Variants in VWC2L observed in about 807,000 individuals in gnomAD.
VWC2L encodes von Willebrand factor C domain containing 2 like, also known as von Willebrand factor C domain-containing protein 2-like.
In VWC2L, 10 loss-of-function variants were observed where a neutral mutation model predicts 21.6. That is an observed-to-expected ratio of 0.46 (90% confidence interval 0.29 to 0.78). The LOEUF (loss-of-function observed/expected upper bound fraction) is 0.78. VWC2L is among the 30% of genes least tolerant of loss of function. The pLI, the probability that VWC2L is intolerant of heterozygous loss-of-function variation, is 0.10. For synonymous variants in VWC2L, 96 were observed against 94.3 expected, an observed-to-expected ratio of 1.02 and a Z score of -0.10; for missense variants, 209 against 277.1, an observed-to-expected ratio of 0.75 and a Z score of 1.74.
intron 3 of VWC2L, among the ~76,000 whole-genome samples, chr2:214,466,678 AT>A (rs1413313854): frequency 1.3e-5 from 2 of 152,138 alleles, no homozygotes; most frequent in African/African-American, 4.8e-5. Context: ...ATTGTTTTCA[AT>A]CCTATTAACC....
intron 3 of VWC2L, among the ~76,000 whole-genome samples, chr2:214,450,404 AC>A (rs1298093643): frequency 1.3e-5 from 2 of 152,182 alleles, no homozygotes; most frequent in Admixed American, 6.5e-5. Context: ...GTGTCTAAGC[AC>A]CCATGTGGAT....
chr2:214,471,047 C>A (rs1703301511), intron 3 of VWC2L, among the ~76,000 whole-genome samples: 2 of 151,666 alleles, frequency 1.3e-5, no homozygotes, highest in Non-Finnish European at 2.9e-5. Context: ...CTTTTTTCCC[C>A]ATGAGTTTAA....
intron 3 of VWC2L, among the ~76,000 whole-genome samples, chr2:214,453,526 T>C (rs1703007329): frequency 6.6e-6 from 1 of 152,176 alleles, no homozygotes; most frequent in South Asian, 2.1e-4. Context: ...TATTGGAATT[T>C]TAATTGGTAT....
intron 3 of VWC2L, among the ~76,000 whole-genome samples, chr2:214,530,229 T>A (rs1366046176): frequency 6.6e-6 from 1 of 152,168 alleles, no homozygotes; most frequent in East Asian, 1.9e-4. Context: ...TTAGTTAAAA[T>A]GTTAAAGTCG....
At chr2:214,550,073 G>C (rs1007995200) in intron 3 of VWC2L, among the ~76,000 whole-genome samples, 1 of 152,196 alleles carries the variant, frequency 6.6e-6, no homozygotes, top group African/African-American at 2.4e-5. Flanking sequence ...CTAATGCAGT[G>C]TTTAGAATCA....
In VWC2L at chr2:214,462,142, G is replaced by C. The variant is rs555088019; in HGVS notation, c.520+25384G>C. On this transcript the variant is annotated intron_variant, in intron 3 of 3. Coordinates refer to ENST00000312504, the MANE Select transcript of VWC2L (RefSeq NM_001080500.4). ...TAGGCTCTCAAAATGGCACTGCACT[G>C]CAGCTGCTTGGGTTTTGGCAGGTGT... is the stretch of plus-strand genomic sequence containing the variant. Among the ~76,000 whole-genome samples the C allele has an allele frequency of 2.3e-4, 35 of 152,302 alleles. 1 individual carries two copies. The South Asian group carries it at 6.8e-3, about 30-fold the overall frequency.
chr2:214,520,733 G>A (rs1689224547), intron 3 of VWC2L, among the ~76,000 whole-genome samples: 1 of 151,928 alleles, frequency 6.6e-6, no homozygotes, highest in South Asian at 2.1e-4. Context: ...CTTTTTTGAT[G>A]CTATATTGCA....
At chr2:214,445,566 T>G (rs1313687020) in intron 3 of VWC2L, among the ~76,000 whole-genome samples, 1 of 151,622 alleles carries the variant, frequency 6.6e-6, no homozygotes, top group Non-Finnish European at 1.5e-5. Context: ...GAGACCCTAT[T>G]TTTACTAAAA....
At chr2:214,563,108 A>C (rs906028901) in intron 3 of VWC2L, among the ~76,000 whole-genome samples, 1 of 152,092 alleles carries the variant, frequency 6.6e-6, no homozygotes, top group African/African-American at 2.4e-5. Context: ...TTAATTCTTT[A>C]ATCCATCTTG....
chr2:214,537,363 T>C (rs1429985823), intron 3 of VWC2L, among the ~76,000 whole-genome samples: 1 of 151,978 alleles, frequency 6.6e-6, no homozygotes, highest in Non-Finnish European at 1.5e-5. Flanking sequence ...TTATGTCACA[T>C]GTGGCAACAT....
At chr2:214,499,629 G>A (rs1398936186) in intron 3 of VWC2L, among the ~76,000 whole-genome samples, 1 of 152,118 alleles carries the variant, frequency 6.6e-6, no homozygotes, top group East Asian at 1.9e-4. Context: ...TTGTGCATAT[G>A]TACCTAGAAC....
chr2:214,495,535 G>A (rs1284867063), intron 3 of VWC2L, among the ~76,000 whole-genome samples: 1 of 152,114 alleles, frequency 6.6e-6, no homozygotes, highest in Admixed American at 6.6e-5. Context: ...GGAACCACTG[G>A]CAGAGAACTT....
chr2:214,498,750 G>GTA (rs1048857467), intron 3 of VWC2L, among the ~76,000 whole-genome samples: 19 of 146,682 alleles, frequency 1.3e-4, no homozygotes, highest in Middle Eastern at 3.6e-3. Flanking sequence ...TTTTATATGT[G>GTA]TATATATATT....
chr2:214,545,167 G>A (rs527792582), intron 3 of VWC2L, among the ~76,000 whole-genome samples: 1 of 152,222 alleles, frequency 6.6e-6, no homozygotes, highest in Admixed American at 6.5e-5. Flanking sequence ...AAAGGGCAAA[G>A]TAGTAATATA....
intron 3 of VWC2L, among the ~76,000 whole-genome samples, chr2:214,488,643 C>A (rs951374229): frequency 2.6e-5 from 4 of 152,068 alleles, no homozygotes; most frequent in Non-Finnish European, 4.4e-5. Context: ...ATGTCTTCAT[C>A]TGTTCTGGGT....
At chr2:214,514,094 T>C (rs926391381) in intron 3 of VWC2L, among the ~76,000 whole-genome samples, 1 of 152,244 alleles carries the variant, frequency 6.6e-6, no homozygotes, top group Middle Eastern at 3.4e-3. Flanking sequence ...GACTTCATCT[T>C]TACAGCACTA....
chr2:214,433,250 A>G (rs1011782372), intron 2 of VWC2L, among the ~76,000 whole-genome samples: 1 of 150,290 alleles, frequency 6.7e-6, no homozygotes, highest in Non-Finnish European at 1.5e-5. Flanking sequence ...AAAATTTATG[A>G]AAAAGTAGTG....
intron 3 of VWC2L, among the ~76,000 whole-genome samples, chr2:214,469,949 T>C (rs543549309): frequency 2.6e-5 from 4 of 152,268 alleles, no homozygotes; most frequent in African/African-American, 9.6e-5. Flanking sequence ...TTTTTAAGCA[T>C]CCAAGTAACT....
intron 3 of VWC2L, among the ~76,000 whole-genome samples, chr2:214,458,394 A>G (rs911109674): frequency 4.6e-5 from 7 of 151,534 alleles, no homozygotes; most frequent in Non-Finnish European, 1.0e-4. Flanking sequence ...TGTTTGCTTG[A>G]TATTCTATGT....
Sources: gnomAD v4.1 joint callset for allele counts (sites outside exome capture counted in the v4.1 genomes callset) on GRCh38, gnomAD v4.1.1 for gene constraint, MANE v1.5 for transcripts, NCBI Gene and HGNC (gene_info 2026-07-23, HGNC 2026-07-21) for gene names.